Variants in BRINP3 observed in about 807,000 individuals in gnomAD.
BRINP3 encodes BMP/retinoic acid-inducible neural-specific protein 3.
BRINP3 carries 19 observed loss-of-function variants against 71.0 expected under a neutral mutation model. That is an observed-to-expected ratio of 0.27 (90% CI 0.19 to 0.39). The LOEUF is 0.39. BRINP3 is among the 10% of genes least tolerant of loss of function. BRINP3 has a pLI of 1.00. For missense variants in BRINP3, 959 were observed against 940.8 expected (o/e 1.02, Z -0.25); for synonymous variants, 380 against 337.7 (o/e 1.13, Z -1.37).
intron 6 of BRINP3, among the ~76,000 whole-genome samples, chr1:190,178,806 A>C (rs1043719813): frequency 2.6e-5 from 4 of 152,150 alleles, no homozygotes; most frequent in Non-Finnish European, 5.9e-5. Context: ...TAAATGATAA[A>C]ACAATATCTC....
At chr1:190,222,057 G>C (rs1173701759) in intron 6 of BRINP3, among the ~76,000 whole-genome samples, 8 of 151,930 alleles carry the variant, frequency 5.3e-5, no homozygotes, top group Admixed American at 5.3e-4. Context: ...CTACGCACTA[G>C]ATCTAATGGG....
intron 1 of BRINP3, among the ~76,000 whole-genome samples, chr1:190,468,898 T>A (rs971385087): frequency 6.6e-6 from 1 of 150,974 alleles, no homozygotes; most frequent in African/African-American, 2.4e-5. Flanking sequence ...TTCTTAGGTA[T>A]GAAGTTTAAG....
chr1:190,101,339 T>C (rs1557966907), intron 7 of BRINP3, among the ~76,000 whole-genome samples: 1 of 152,194 alleles, frequency 6.6e-6, no homozygotes, highest in Non-Finnish European at 1.5e-5. Context: ...TGAGTGTCTC[T>C]GCTACTCTTG....
chr1:190,396,203 G>T (rs918857891), intron 2 of BRINP3, among the ~76,000 whole-genome samples: 65 of 152,000 alleles, frequency 4.3e-4, no homozygotes, highest in African/African-American at 1.5e-3. Flanking sequence ...AATGAGTAAT[G>T]CTGGAATTGA....
intron 3 of BRINP3, among the ~76,000 whole-genome samples, chr1:190,281,029 A>G (rs1251558206): frequency 1.3e-5 from 2 of 151,982 alleles, no homozygotes; most frequent in Admixed American, 6.6e-5. Flanking sequence ...ACAAATGTAT[A>G]CATTTACATA....
chr1:190,220,471 C>T (rs866450060), intron 6 of BRINP3, among the ~76,000 whole-genome samples: 1 of 151,984 alleles, frequency 6.6e-6, no homozygotes, highest in South Asian at 2.1e-4. Flanking sequence ...AGCAAACCAC[C>T]ATGGCCCGTG....
chr1:190,360,896 T>A (rs1669100115), intron 2 of BRINP3, among the ~76,000 whole-genome samples: 1 of 152,058 alleles, frequency 6.6e-6, no homozygotes, highest in Non-Finnish European at 1.5e-5. Flanking sequence ...AAGTTATACA[T>A]CTACACAATA....
At chr1:190,445,930 T>C (rs918099849) in intron 2 of BRINP3, among the ~76,000 whole-genome samples, 5 of 152,184 alleles carry the variant, frequency 3.3e-5, no homozygotes, top group African/African-American at 4.8e-5. Flanking sequence ...ACTAGCAATC[T>C]TGTTTATTTT....
At chr1:190,180,306 T>C (rs2102532244) in intron 6 of BRINP3, among the ~76,000 whole-genome samples, 1 of 152,248 alleles carries the variant, frequency 6.6e-6, no homozygotes, top group African/African-American at 2.4e-5. Flanking sequence ...GTATCCAAAT[T>C]CAGAATCTTT....
intron 6 of BRINP3, among the ~76,000 whole-genome samples, chr1:190,190,534 T>C (rs1180123571): frequency 1.3e-5 from 2 of 152,152 alleles, no homozygotes; most frequent in Non-Finnish European, 2.9e-5. Flanking sequence ...AGTCCTACTC[T>C]GCCACCTTGC....
intron 2 of BRINP3, among the ~76,000 whole-genome samples, chr1:190,364,711 A>G (rs1425237715): frequency 2.6e-5 from 4 of 152,286 alleles, no homozygotes; most frequent in African/African-American, 7.2e-5. Context: ...GTAATCTTAA[A>G]CAAATTTCAA....
At chr1:190,307,211 T>G (rs1300719909) in intron 2 of BRINP3, among the ~76,000 whole-genome samples, 4 of 150,620 alleles carry the variant, frequency 2.7e-5, no homozygotes, top group Admixed American at 6.7e-5. Context: ...ATATTTTAAG[T>G]TTTTTTTAAT....
chr1:190,316,552 CTA>C (rs1201956590), intron 2 of BRINP3, among the ~76,000 whole-genome samples: 1 of 152,012 alleles, frequency 6.6e-6, no homozygotes, highest in African/African-American at 2.4e-5. Context: ...TTAATATAAA[CTA>C]TCACAGTATT....
At chr1:190,222,583 A>C (rs539612123) in intron 6 of BRINP3, among the ~76,000 whole-genome samples, 3 of 151,922 alleles carry the variant, frequency 2.0e-5, no homozygotes, top group Non-Finnish European at 2.9e-5. Context: ...AAAAAAATAC[A>C]TAAGATCAAC....
chr1:190,298,039 A>G (rs1664386619), intron 2 of BRINP3, among the ~76,000 whole-genome samples: 2 of 152,156 alleles, frequency 1.3e-5, no homozygotes, highest in Non-Finnish European at 2.9e-5. Flanking sequence ...TTATAGGGCT[A>G]GTCAATGATA....
At chr1:190,406,057 G>T (rs1364582365) in intron 2 of BRINP3, among the ~76,000 whole-genome samples, 1 of 152,174 alleles carries the variant, frequency 6.6e-6, no homozygotes, top group Non-Finnish European at 1.5e-5. Flanking sequence ...ATTAGAAAGA[G>T]TCATGCATTT....
At chr1:190,336,285 C>T (rs542099878) in intron 2 of BRINP3, among the ~76,000 whole-genome samples, 8 of 152,092 alleles carry the variant, frequency 5.3e-5, no homozygotes, top group Admixed American at 4.6e-4. Flanking sequence ...TTACTAAGAT[C>T]ATTTTGATGT....
intron 6 of BRINP3, among the ~76,000 whole-genome samples, chr1:190,213,182 C>G (rs982427211): frequency 6.6e-6 from 1 of 152,006 alleles, no homozygotes; most frequent in Non-Finnish European, 1.5e-5. Flanking sequence ...AAAAAGAATG[C>G]TAGTTCTTTT....
intron 6 of BRINP3, among the ~76,000 whole-genome samples, chr1:190,217,877 A>G (rs1421261738): frequency 6.6e-6 from 1 of 152,058 alleles, no homozygotes; most frequent in Non-Finnish European, 1.5e-5. Context: ...ACTGGCTTCT[A>G]ATCAGTACTT....
Sources: allele counts gnomAD v4.1 joint callset (sites outside exome capture counted in the v4.1 genomes callset), GRCh38; gene constraint gnomAD v4.1.1; transcripts MANE v1.5; gene names NCBI Gene and HGNC (gene_info 2026-07-23, HGNC 2026-07-21).